Variants in GPC6 observed in about 807,000 individuals in gnomAD.
The protein encoded by GPC6 is glypican 6.
Under a neutral mutation model 55.2 loss-of-function variants are expected in GPC6, and 14 were observed. The observed-to-expected ratio is 0.25, with a 90% CI of 0.17 to 0.40. The LOEUF (loss-of-function observed/expected upper bound fraction) is 0.40. Ranked by LOEUF, GPC6 falls within the 10% of genes least tolerant of loss-of-function variation. The probability of loss-of-function intolerance (pLI) is 1.00; values close to 1 mark genes in which losing one functional copy is unlikely to be tolerated. For missense variants in GPC6, 641 were observed against 708.5 expected (o/e 0.90, Z 1.08); for synonymous variants, 278 against 259.6 (o/e 1.07, Z -0.68).
chr13:94,248,463 C>A (rs1320450426), intron 4 of GPC6, among the ~76,000 whole-genome samples: 1 of 152,076 alleles, frequency 6.6e-6, no homozygotes, highest in Non-Finnish European at 1.5e-5. Flanking sequence ...TTCTTTTTCC[C>A]TGTATAATAT....
chr13:94,362,910 C>G lies in GPC6; in HGVS notation c.1153-19504C>G, dbSNP rs549051421. ...TTATTTTACTTTAAGTTCTGGGATA[C>G]ATGTGCAGAACGTGCAGGTTTGGTA... On this transcript the variant is annotated intron_variant, in intron 6 of 8. Transcript: ENST00000377047. Among the ~76,000 whole-genome samples, 60 of 152,258 alleles carry G rather than the reference C, an allele frequency of 3.9e-4. No individual in the cohort carries two copies. In the South Asian group the frequency reaches 0.012, roughly 32 times the overall value.
At chr13:93,250,142 A>G (rs1393819582) in intron 1 of GPC6, among the ~76,000 whole-genome samples, 3 of 152,176 alleles carry the variant, frequency 2.0e-5, no homozygotes, top group Admixed American at 6.5e-5. Context: ...GGTAATAGCA[A>G]TTCCTATCTC....
At chr13:93,224,185 A>G (rs1026324361), upstream of GPC6, among the ~76,000 whole-genome samples, 1 of 129,350 alleles carries the variant, frequency 7.7e-6, no homozygotes, top group Non-Finnish European at 1.6e-5. Context: ...GGCGTGAGCC[A>G]CCGCGCCCGG....
intron 2 of GPC6, among the ~76,000 whole-genome samples, chr13:93,767,499 C>T (rs186255417): frequency 2.6e-5 from 4 of 152,286 alleles, no homozygotes; most frequent in Non-Finnish European, 4.4e-5. Context: ...AGAAAATTCT[C>T]TTCTTCAAAC....
intron 2 of GPC6, among the ~76,000 whole-genome samples, chr13:93,566,001 T>C (rs534707996): frequency 8.0e-5 from 12 of 150,256 alleles, no homozygotes; most frequent in Admixed American, 6.6e-4. Context: ...CAGAGAGAAA[T>C]GAACAACAAA....
At chr13:93,920,970 C>T (rs145141227) in intron 3 of GPC6, among the ~76,000 whole-genome samples, 280 of 152,248 alleles carry the variant, frequency 1.8e-3, no homozygotes, top group Middle Eastern at 3.4e-3. Flanking sequence ...CAATAGTTTC[C>T]AATGCAGCCC....
chr13:94,175,937 C>CATATATATATAT lies in GPC6; in HGVS notation c.878-110404_878-110393dup, dbSNP rs377560714. 2.6e-4 allele frequency among the ~76,000 whole-genome samples: 33 copies of CATATATATATAT among 127,876 alleles called. No homozygotes were observed. In the East Asian group the frequency reaches 4.2e-3, roughly 16 times the overall value. The allele number at this position is 127,876 out of a possible 152,430, so 83.9% of individuals were successfully genotyped here. A position where few individuals can be genotyped will look rare whatever the true frequency, so the allele number is the denominator to read the frequency against. ...CCCAAAAGGGAGTATCCAAATGAGCCATATATATATATATATATAGAGAGA... is the reference window on the plus strand; with the variant it reads ...CCCAAAAGGGAGTATCCAAATGAGCCATATATATATATATATATATATATATATATAGAGAGA... On this transcript the variant is annotated intron_variant, in intron 4 of 8. Transcript: ENST00000377047.
intron 4 of GPC6, among the ~76,000 whole-genome samples, chr13:94,077,876 A>T (rs1346303926): frequency 6.6e-6 from 1 of 151,902 alleles, no homozygotes; most frequent in East Asian, 1.9e-4. Context: ...GTTAGGTAGT[A>T]TTTCACTGAG....
rs1882120859 is a variant in GPC6, at chr13:94,008,721, GACA to G, written c.712-19004_712-19002del. Among the ~76,000 whole-genome samples, 12 of 152,162 alleles carry G rather than the reference GACA, an allele frequency of 7.9e-5. 1 individual carries two copies. In the South Asian group the frequency reaches 2.5e-3, roughly 32 times the overall value. On this transcript the variant is annotated intron_variant, in intron 3 of 8. Coordinates refer to ENST00000377047, the MANE Select transcript of GPC6 (RefSeq NM_005708.5). Reference sequence around the variant, plus strand: ...CCATATTGTAAATATTAACAGTTAAGACAACATTACATTAGTCTTATAAACACT... The same window carrying G: ...CCATATTGTAAATATTAACAGTTAAGACATTACATTAGTCTTATAAACACT...
chr13:93,667,415 GCCCCTTTACTT>G (rs1881183221), intron 2 of GPC6, among the ~76,000 whole-genome samples: 1 of 151,260 alleles, frequency 6.6e-6, no homozygotes, highest in African/African-American at 2.4e-5. Context: ...GGTGGGTTCT[GCCCCTTTACTT>G]GAAGTTCTGG....
intron 3 of GPC6, among the ~76,000 whole-genome samples, chr13:93,862,862 T>C (rs551055117): frequency 1.3e-5 from 2 of 151,772 alleles, no homozygotes; most frequent in South Asian, 2.1e-4. Flanking sequence ...TCATTTTTTT[T>C]CTCTCTCTGG....
intron 1 of GPC6, among the ~76,000 whole-genome samples, chr13:93,367,020 C>G (rs1264680701): frequency 6.6e-6 from 1 of 152,036 alleles, no homozygotes; most frequent in Non-Finnish European, 1.5e-5. Context: ...CTGGTGATTA[C>G]AAAACCAAGT....
intron 3 of GPC6, among the ~76,000 whole-genome samples, chr13:93,910,017 G>A (rs1167920371): frequency 6.6e-6 from 1 of 151,912 alleles, no homozygotes; most frequent in Admixed American, 6.6e-5. Context: ...GGAATTCAGG[G>A]GAAGAATCAA....
intron 3 of GPC6, among the ~76,000 whole-genome samples, chr13:93,927,811 A>G (rs1877940785): frequency 6.6e-6 from 1 of 152,158 alleles, no homozygotes; most frequent in Non-Finnish European, 1.5e-5. Flanking sequence ...AAAGCACTGA[A>G]TAAGTATGAG....
chr13:93,258,939 G>GA lies in GPC6; in HGVS notation c.160+31324dup, dbSNP rs761890438. Among the ~76,000 whole-genome samples the GA allele has an allele frequency of 3.7e-4, 56 of 152,180 alleles. 1 individual carries two copies. Among genetic ancestry groups the GA allele is most frequent in the Middle Eastern group, 3.4e-3 (1 of 294 alleles). On this transcript the variant is annotated intron_variant, in intron 1 of 8. Transcript: ENST00000377047. Reference sequence around the variant, plus strand: ...CACTCCAGCCTAGGTGACAGAGTGAGACACTGTCTCGAAAAATGAACAATA... The same window carrying GA: ...CACTCCAGCCTAGGTGACAGAGTGAGAACACTGTCTCGAAAAATGAACAATA...
At chr13:93,230,924 T>C (rs183571363) in intron 1 of GPC6, among the ~76,000 whole-genome samples, 1 of 152,238 alleles carries the variant, frequency 6.6e-6, no homozygotes, top group Admixed American at 6.5e-5. Context: ...TATAACACTT[T>C]GTAGTTAACA....
At chr13:94,224,249 A>G (rs974678975) in intron 4 of GPC6, among the ~76,000 whole-genome samples, 1 of 50,200 alleles carries the variant, frequency 2.0e-5, no homozygotes, top group African/African-American at 8.5e-5. Flanking sequence ...TTTGTATATC[A>G]TCTTTAAATA....
intron 3 of GPC6, among the ~76,000 whole-genome samples, chr13:94,016,288 G>T (rs1437104196): frequency 6.6e-6 from 1 of 152,010 alleles, no homozygotes; most frequent in East Asian, 1.9e-4. Flanking sequence ...TTCATTGATG[G>T]ACATTTAAGA....
chr13:93,573,524 A>G (rs1212316946), intron 2 of GPC6, among the ~76,000 whole-genome samples: 6 of 152,160 alleles, frequency 3.9e-5, no homozygotes, highest in Admixed American at 2.0e-4. Context: ...GGGCTTTTAT[A>G]TAGAAGAGAT....
Sources: gnomAD v4.1 joint callset for allele counts (sites outside exome capture counted in the v4.1 genomes callset) on GRCh38, gnomAD v4.1.1 for gene constraint, MANE v1.5 for transcripts, NCBI Gene and HGNC (gene_info 2026-07-23, HGNC 2026-07-21) for gene names.